The following XIRP2 variants were observed in gnomAD, a reference collection of about 807,000 sequenced individuals.
XIRP2 encodes the protein xin actin-binding repeat-containing protein 2.
In XIRP2, 236 loss-of-function variants were observed where a neutral mutation model predicts 277.0. The ratio of observed to expected loss-of-function variants is 0.85; its 90% CI spans 0.77 to 0.95. XIRP2 has a LOEUF of 0.95. XIRP2 is among the 40% of genes least tolerant of loss of function. The probability of loss-of-function intolerance (pLI) is 0.00; values close to 1 mark genes in which losing one functional copy is unlikely to be tolerated. For synonymous variants in XIRP2, 1,490 were observed against 1,416.5 expected, an observed-to-expected ratio of 1.05 and a Z score of -1.17; for missense variants, 4,640 against 4,157.5, an observed-to-expected ratio of 1.12 and a Z score of -3.19.
chr2:167,124,868 A>G (rs1168020125), intron 2 of XIRP2, among the ~76,000 whole-genome samples: 1 of 152,182 alleles, frequency 6.6e-6, no homozygotes, highest in Non-Finnish European at 1.5e-5. Flanking sequence ...AAATGCATTC[A>G]TTAAATGCTG....
At position 167,249,714 on chromosome 2, in the gene XIRP2, T is replaced by G; in HGVS notation, c.8322T>G (p.Pro2774=). The G allele has an allele frequency of 6.2e-7, 1 of 1,613,320 alleles. No homozygotes were observed. The highest frequency in any genetic ancestry group is 8.5e-7 in the Non-Finnish European group (1 of 1,179,736). Residue 2774 remains proline (P), a synonymous_variant, in exon 9 of 11, where the codon CCT becomes CCG. Coordinates refer to ENST00000409195, the MANE Select transcript of XIRP2 (RefSeq NM_152381.6). The part of the protein sequence containing the change: ...QSLAERHYQL[P]KKEKRVTVQL... Reference sequence around the variant, plus strand: ...TGGCTGAAAGACATTATCAGTTACCTAAGAAGGAGAAAAGAGTGACAGTAC... The same window carrying G: ...TGGCTGAAAGACATTATCAGTTACCGAAGAAGGAGAAAAGAGTGACAGTAC...
At chr2:166,930,299 G>T (rs1484090471) in intron 2 of XIRP2, among the ~76,000 whole-genome samples, 1 of 152,128 alleles carries the variant, frequency 6.6e-6, no homozygotes, top group Non-Finnish European at 1.5e-5. Context: ...CAGACTTGAA[G>T]CTAATTAGCT....
chr2:166,926,959 C>T (rs1452584001), intron 2 of XIRP2, among the ~76,000 whole-genome samples: 1 of 152,066 alleles, frequency 6.6e-6, no homozygotes, highest in Non-Finnish European at 1.5e-5. Flanking sequence ...TCAGTTATTC[C>T]TGGGAATGGG....
At chr2:166,961,268 G>C (rs183901590) in intron 2 of XIRP2, among the ~76,000 whole-genome samples, 2 of 151,676 alleles carry the variant, frequency 1.3e-5, no homozygotes, top group Non-Finnish European at 3.0e-5. Context: ...AAAGAGCTAT[G>C]ACAGAGAATA....
rs539868325 is a variant in XIRP2, at chr2:167,025,868, C to A, written c.409-110041C>A. ...TTTACATTTGCTGAGGAGAGCTTTA[C>A]TTCCAACTATGTGGTCAATTTTGGA... is the stretch of plus-strand genomic sequence containing the variant. On this transcript the variant is annotated intron_variant, in intron 2 of 10. Transcript: ENST00000409195. 5.7e-3 allele frequency among the ~76,000 whole-genome samples: 863 copies of A among 152,052 alleles called. 3 individuals carry two copies. The highest frequency in any genetic ancestry group is 0.051 in the Middle Eastern group (15 of 292).
intron 3 of XIRP2, among the ~76,000 whole-genome samples, chr2:167,177,362 C>T (rs1332612541): frequency 6.6e-6 from 1 of 152,118 alleles, no homozygotes; most frequent in African/African-American, 2.4e-5. Flanking sequence ...GTAGAGTATT[C>T]AGCTCATTGT....
intron 3 of XIRP2, among the ~76,000 whole-genome samples, chr2:167,146,460 C>A (rs1691867308): frequency 6.7e-6 from 1 of 150,180 alleles, no homozygotes; most frequent in Non-Finnish European, 1.5e-5. Context: ...GAGATTCTGC[C>A]ACTGTACTCT....
intron 2 of XIRP2, among the ~76,000 whole-genome samples, chr2:167,129,875 A>C (rs1413670865): frequency 7.2e-6 from 1 of 138,184 alleles, no homozygotes; most frequent in African/African-American, 2.9e-5. Flanking sequence ...GTCTCAAAAA[A>C]AAAAAAAAAA....
intron 2 of XIRP2, among the ~76,000 whole-genome samples, chr2:167,015,459 T>TATCA (rs1161215732): frequency 4.7e-5 from 7 of 149,324 alleles, no homozygotes; most frequent in Non-Finnish European, 8.9e-5. Context: ...TCTATCTATC[T>TATCA]ATCATATTAA....
chr2:167,212,368 G>A (rs1292884176), intron 4 of XIRP2, among the ~76,000 whole-genome samples: 1 of 152,140 alleles, frequency 6.6e-6, no homozygotes, highest in Non-Finnish European at 1.5e-5. Context: ...TTTGATTTAG[G>A]AAGATTGACC....
intron 2 of XIRP2, among the ~76,000 whole-genome samples, chr2:167,026,407 C>G (rs1301672281): frequency 6.6e-6 from 1 of 152,098 alleles, no homozygotes; most frequent in African/African-American, 2.4e-5. Context: ...GACTCTTTAT[C>G]CAATTTTCCA....
intron 2 of XIRP2, among the ~76,000 whole-genome samples, chr2:166,962,595 A>C (rs1311686053): frequency 6.6e-6 from 1 of 151,830 alleles, no homozygotes; most frequent in East Asian, 1.9e-4. Flanking sequence ...AAGTAGGAAA[A>C]AGCAACTCAA....
Position 167,259,401 on chromosome 2 carries a change from GA to G in XIRP2, c.*1585del, listed in dbSNP as rs1325155761. The G allele has an allele frequency of 2.0e-6, 3 of 1,524,370 alleles. No homozygotes were observed. The highest frequency in any genetic ancestry group is 1.8e-6 in the Non-Finnish European group (2 of 1,136,290). The allele number at this position is 1,524,370 out of a possible 1,614,324, so 94.4% of individuals were successfully genotyped here. ...CACTGACAGTCCACACTTAGGCACT[GA>G]GAGATATTGATGTTCTGAAATAAGA... On this transcript the variant is annotated 3_prime_UTR_variant, in exon 11 of 11. Transcript: ENST00000409195.
At chr2:167,134,866 TC>T (rs1691497096) in intron 2 of XIRP2, among the ~76,000 whole-genome samples, 1 of 152,266 alleles carries the variant, frequency 6.6e-6, no homozygotes, top group South Asian at 2.1e-4. Context: ...TCTAAGTGAA[TC>T]ACGGTGGGTA....
chr2:166,912,387 T>A (rs1374179197), intron 2 of XIRP2, among the ~76,000 whole-genome samples: 1 of 152,226 alleles, frequency 6.6e-6, no homozygotes, highest in Admixed American at 6.5e-5. Flanking sequence ...CCCTTTCTTC[T>A]AGTTGATCGA....
In XIRP2 at chr2:167,251,493, A is replaced by G. The variant is rs1441729358; in HGVS notation, c.10101A>G (p.Glu3367=). 2.5e-6 allele frequency: 4 copies of G among 1,613,558 alleles called. No homozygotes were observed. The highest frequency in any genetic ancestry group is 3.4e-6 in the Non-Finnish European group (4 of 1,179,652). Residue 3367 remains glutamate (E), a synonymous_variant, in exon 9 of 11, where the codon GAA becomes GAG. Coordinates refer to ENST00000409195, the MANE Select transcript of XIRP2 (RefSeq NM_152381.6). ...KGETNHNIQQ[E]SRTFCKEEFG... Reference sequence around the variant, plus strand: ...AAACAAACCATAACATACAACAAGAAAGTCGTACATTTTGTAAGGAGGAAT... The same window carrying G: ...AAACAAACCATAACATACAACAAGAGAGTCGTACATTTTGTAAGGAGGAAT...
At chr2:167,022,052 A>C (rs181947049) in intron 2 of XIRP2, among the ~76,000 whole-genome samples, 3 of 152,152 alleles carry the variant, frequency 2.0e-5, no homozygotes, top group African/African-American at 4.8e-5. Flanking sequence ...TAATATATTA[A>C]TGATGGCTAC....
chr2:166,985,120 A>T (rs1686967893), intron 2 of XIRP2, among the ~76,000 whole-genome samples: 1 of 152,216 alleles, frequency 6.6e-6, no homozygotes, highest in Admixed American at 6.5e-5. Flanking sequence ...TCCATAATAA[A>T]AACAGTGGTT....
chr2:167,089,618 A>G (rs774911061), intron 2 of XIRP2, among the ~76,000 whole-genome samples: 35 of 152,044 alleles, frequency 2.3e-4, no homozygotes, highest in Non-Finnish European at 4.9e-4. Context: ...ACTTAAGTAA[A>G]TGTGTGTGGG....
Sources: gnomAD v4.1 joint callset for allele counts (sites outside exome capture counted in the v4.1 genomes callset) on GRCh38, gnomAD v4.1.1 for gene constraint, MANE v1.5 for transcripts, NCBI Gene and HGNC (gene_info 2026-07-23, HGNC 2026-07-21) for gene names.